MRPS27: variants seen among roughly 807,000 people sequenced by gnomAD.
The protein encoded by MRPS27 is small ribosomal subunit protein mS27.
MRPS27 carries 43 observed loss-of-function variants against 48.9 expected under a neutral mutation model. That is an observed-to-expected ratio of 0.88 (90% confidence interval 0.69 to 1.13). The LOEUF is 1.13. Among genes scored for constraint, MRPS27 ranks in the 50% most tolerant of loss-of-function variants. The pLI is 0.00. For missense variants in MRPS27, 467 were observed against 476.3 expected, an observed-to-expected ratio of 0.98 and a Z score of 0.18; for synonymous variants, 188 against 171.9, an observed-to-expected ratio of 1.09 and a Z score of -0.73.
In MRPS27 at chr5:72,226,571, C is replaced by A. The variant is rs143924431; in HGVS notation, c.695-372G>T. Among the ~76,000 whole-genome samples the A allele has an allele frequency of 2.0e-3, 302 of 152,120 alleles. 1 individual carries two copies. The highest frequency in any genetic ancestry group is 7.1e-3 in the African/African-American group (296 of 41,526). On this transcript the variant is annotated intron_variant, in intron 8 of 10. Transcript: ENST00000261413. ...TGAGATACAATTTTTGTTTCAAGAACAAAATCTTCCCCAGAAAAAGAAATC... is the reference window on the plus strand; with the variant it reads ...TGAGATACAATTTTTGTTTCAAGAAAAAAATCTTCCCCAGAAAAAGAAATC...
intron 4 of MRPS27, among the ~76,000 whole-genome samples, chr5:72,289,831 T>C (rs903621534): frequency 2.0e-5 from 3 of 152,238 alleles, no homozygotes; most frequent in Non-Finnish European, 2.9e-5. Flanking sequence ...GTTCTGATTA[T>C]TGACACCCGG....
chr5:72,226,285 T>C (rs769333483), intron 8 of MRPS27, 86 bp from the exon 9 acceptor site: 2 of 1,516,260 alleles, frequency 1.3e-6, no homozygotes, highest in African/African-American at 1.4e-5. Context: ...CAAGTGAATG[T>C]TCACCTGGCA....
chr5:72,280,569 T>TA (rs1426066938), intron 4 of MRPS27, among the ~76,000 whole-genome samples: 7 of 152,164 alleles, frequency 4.6e-5, no homozygotes, highest in Non-Finnish European at 8.8e-5. Flanking sequence ...GCACAGCTTC[T>TA]AAAAAAACCA....
chr5:72,318,115 T>C lies in MRPS27; in HGVS notation c.73+2034A>G, dbSNP rs192322221. Reference sequence around the variant, plus strand: ...TGTTGGGCCACATTCAAAACTGTCCTGGGCTGAGGGTTGGACAAGCTGCTT... The same window carrying C: ...TGTTGGGCCACATTCAAAACTGTCCCGGGCTGAGGGTTGGACAAGCTGCTT... On this transcript the variant is annotated intron_variant, in intron 1 of 10. Coordinates refer to ENST00000261413, the MANE Select transcript of MRPS27 (RefSeq NM_015084.3). 3.7e-3 allele frequency among the ~76,000 whole-genome samples: 566 copies of C among 152,378 alleles called. 1 individual carries two copies. Among genetic ancestry groups the C allele is most frequent in the African/African-American group, 0.013 (551 of 41,598 alleles).
At chr5:72,256,790 C>T (rs542215171) in intron 4 of MRPS27, among the ~76,000 whole-genome samples, 18 of 152,228 alleles carry the variant, frequency 1.2e-4, no homozygotes, top group Non-Finnish European at 2.6e-4. Flanking sequence ...AGCCTCTATG[C>T]TGACTCATGT....
intron 4 of MRPS27, among the ~76,000 whole-genome samples, chr5:72,260,317 A>G (rs903537721): frequency 6.6e-6 from 1 of 152,162 alleles, no homozygotes; most frequent in African/African-American, 2.4e-5. Context: ...TCTTTTGTCC[A>G]CCTGGAATTT....
At chr5:72,265,040 C>A (rs180889071) in intron 4 of MRPS27, among the ~76,000 whole-genome samples, 1 of 152,130 alleles carries the variant, frequency 6.6e-6, no homozygotes, top group Non-Finnish European at 1.5e-5. Flanking sequence ...TCTAACCTTG[C>A]GGCTTAAGGC....
chr5:72,310,263 A>G (rs1051313337), intron 2 of MRPS27, among the ~76,000 whole-genome samples: 1 of 152,206 alleles, frequency 6.6e-6, no homozygotes, highest in Non-Finnish European at 1.5e-5. Flanking sequence ...TAGCACCTAG[A>G]TCTTGGTTTC....
intron 4 of MRPS27, among the ~76,000 whole-genome samples, chr5:72,239,948 CATGAA>C (rs1468322392): frequency 6.6e-6 from 1 of 152,160 alleles, no homozygotes; most frequent in African/African-American, 2.4e-5. Flanking sequence ...TGAGATTTAA[CATGAA>C]ATGACCAATT....
chr5:72,314,238 C>T, intron 1 of MRPS27, 80 bp from the exon 2 acceptor site: 4 of 988,312 alleles, frequency 4.0e-6, no homozygotes, highest in Non-Finnish European at 4.7e-6. Flanking sequence ...TATATCTTCA[C>T]TATCCTTTCA....
At chr5:72,308,527 G>GC (rs1750345494) in intron 2 of MRPS27, among the ~76,000 whole-genome samples, 1 of 152,150 alleles carries the variant, frequency 6.6e-6, no homozygotes, top group African/African-American at 2.4e-5. Flanking sequence ...CTACCCGACA[G>GC]CCCCGCGCCC....
At chr5:72,267,642 T>G (rs1477163599) in intron 4 of MRPS27, among the ~76,000 whole-genome samples, 1 of 152,180 alleles carries the variant, frequency 6.6e-6, no homozygotes, top group Non-Finnish European at 1.5e-5. Context: ...TCTGGGAATA[T>G]AAAATCAAAT....
intron 7 of MRPS27, among the ~76,000 whole-genome samples, chr5:72,231,280 C>T (rs886931308): frequency 6.6e-6 from 1 of 152,106 alleles, no homozygotes; most frequent in African/African-American, 2.4e-5. Context: ...ATGTAATTTC[C>T]TCTTTTTGGA....
chr5:72,225,892 A>G (rs1366396416), intron 9 of MRPS27, among the ~76,000 whole-genome samples, 165 bp downstream of exon 9: 1 of 151,626 alleles, frequency 6.6e-6, no homozygotes, highest in East Asian at 1.9e-4. Context: ...TTTGGTCAGG[A>G]GCATTGAAAA....
At chr5:72,250,239 T>TA (rs1170554575) in intron 4 of MRPS27, among the ~76,000 whole-genome samples, 3 of 152,236 alleles carry the variant, frequency 2.0e-5, no homozygotes, top group African/African-American at 7.2e-5. Context: ...ATAAAAATGT[T>TA]AGAGATAATG....
chr5:72,232,362 C>T lies in MRPS27; in HGVS notation c.591+81G>A, dbSNP rs1748085732. 5.2e-6 allele frequency: 5 copies of T among 970,184 alleles called. No homozygotes were observed. The South Asian group carries it at 6.4e-5, about 12-fold the overall frequency. 60.1% of individuals were successfully genotyped at this position (970,184 alleles called of 1,614,324 possible). On this transcript the variant is annotated intron_variant, in intron 7 of 10. Coordinates refer to ENST00000261413, the MANE Select transcript of MRPS27 (RefSeq NM_015084.3). ...TTGTGCCTGGCCACAGAGCTGCAGACACCTTTTTCCAGCTTTTGAGAGCAA... is the reference window on the plus strand; with the variant it reads ...TTGTGCCTGGCCACAGAGCTGCAGATACCTTTTTCCAGCTTTTGAGAGCAA...
At chr5:72,304,231 G>C (rs1252468757) in intron 2 of MRPS27, among the ~76,000 whole-genome samples, 1 of 150,910 alleles carries the variant, frequency 6.6e-6, no homozygotes, top group Non-Finnish European at 1.5e-5. Flanking sequence ...ACCAGTGGAG[G>C]GGAAAAAAAC....
rs1349751932 is a variant in MRPS27, at chr5:72,220,238, TG to T, written c.*670del. 1 of 153,270 alleles carries T rather than the reference TG, an allele frequency of 6.5e-6. No homozygotes were observed. Among genetic ancestry groups the T allele is most frequent in the African/African-American group, 2.4e-5 (1 of 41,466 alleles). The allele number at this position is 153,270 out of a possible 1,614,324, so 9.5% of individuals were successfully genotyped here. A position where few individuals can be genotyped will look rare whatever the true frequency, so the allele number is the denominator to read the frequency against. On this transcript the variant is annotated 3_prime_UTR_variant, in exon 11 of 11. Transcript: ENST00000261413. ...GGGAGACCATTCAAAAGCCTGTGCTTGGCCGGGTGTGGTGGCTCACGCCTAT... is the reference window on the plus strand; with the variant it reads ...GGGAGACCATTCAAAAGCCTGTGCTTGCCGGGTGTGGTGGCTCACGCCTAT...
chr5:72,240,191 C>T (rs1159486628), intron 4 of MRPS27, among the ~76,000 whole-genome samples: 1 of 152,144 alleles, frequency 6.6e-6, no homozygotes, highest in South Asian at 2.1e-4. Flanking sequence ...TGTTATGTCC[C>T]GATCATTCTG....
Sources: gnomAD v4.1 joint callset for allele counts (sites outside exome capture counted in the v4.1 genomes callset) on GRCh38, gnomAD v4.1.1 for gene constraint, MANE v1.5 for transcripts, NCBI Gene and HGNC (gene_info 2026-07-23, HGNC 2026-07-21) for gene names.